GNG7: variants seen among roughly 807,000 people sequenced by gnomAD.
GNG7 encodes guanine nucleotide-binding protein G(I)/G(S)/G(O) subunit gamma-7.
Under a neutral mutation model 4.0 loss-of-function variants are expected in GNG7, and 1 was observed. That is an observed-to-expected ratio of 0.25 (90% confidence interval 0.09 to 1.18). The LOEUF is 1.18. GNG7 is among the 50% of genes most tolerant of loss of function. The pLI, the probability that GNG7 is intolerant of heterozygous loss-of-function variation, is 0.50. For missense variants in GNG7, 86 were observed against 91.9 expected, an observed-to-expected ratio of 0.94 and a Z score of 0.26; for synonymous variants, 34 against 36.9, an observed-to-expected ratio of 0.92 and a Z score of 0.29.
intron 3 of GNG7, among the ~76,000 whole-genome samples, chr19:2,539,599 C>T (rs1285158032): frequency 2.0e-5 from 3 of 152,074 alleles, no homozygotes; most frequent in Non-Finnish European, 1.5e-5. Flanking sequence ...GACACTGCGC[C>T]CGGCCATAAG....
At chr19:2,599,719 C>G (rs1599414368) in intron 2 of GNG7, among the ~76,000 whole-genome samples, 1 of 152,124 alleles carries the variant, frequency 6.6e-6, no homozygotes, top group Non-Finnish European at 1.5e-5. Context: ...GGCGGATCAC[C>G]TGCGGTCAGG....
intron 1 of GNG7, among the ~76,000 whole-genome samples, chr19:2,687,759 T>G (rs1045467911): frequency 1.5e-4 from 19 of 126,332 alleles, no homozygotes; most frequent in African/African-American, 5.1e-4. Context: ...GCAGATCACA[T>G]GGTCAGGAGT....
chr19:2,529,795 G>A (rs534975036), intron 3 of GNG7, among the ~76,000 whole-genome samples: 2 of 152,266 alleles, frequency 1.3e-5, no homozygotes, highest in East Asian at 3.9e-4. Flanking sequence ...CTTGTTCAAG[G>A]GATAAGGGCT....
At chr19:2,589,371 CTTTTTTTT>C (rs33940288) in intron 2 of GNG7, among the ~76,000 whole-genome samples, 100 of 100,580 alleles carry the variant, frequency 9.9e-4, no homozygotes, top group Middle Eastern at 6.8e-3. Context: ...TACAGGTGCA[CTTTTTTTT>C]TTTTTTTTTT....
chr19:2,668,491 G>A (rs1402617200), intron 1 of GNG7, among the ~76,000 whole-genome samples: 2 of 152,110 alleles, frequency 1.3e-5, no homozygotes, highest in Non-Finnish European at 2.9e-5. Flanking sequence ...GCTCGGTGAC[G>A]GCCACCAAGG....
Position 2,513,643 on chromosome 19 carries a change from C to T in GNG7, c.*1379G>A, listed in dbSNP as rs1267043765. Reference sequence around the variant, plus strand: ...CACGGGGGTGGAAAAGCAAAAAGATCGGGTTCGAGCGACAGGGTAACGTTT... The same window carrying T: ...CACGGGGGTGGAAAAGCAAAAAGATTGGGTTCGAGCGACAGGGTAACGTTT... On this transcript the variant is annotated 3_prime_UTR_variant, in exon 5 of 5. Transcript: ENST00000382159. 4 of 883,320 alleles carry T rather than the reference C, an allele frequency of 4.5e-6. No individual in the cohort carries two copies. In the African/African-American group the frequency reaches 5.4e-5, roughly 12 times the overall value. 54.7% of individuals were successfully genotyped at this position (883,320 alleles called of 1,614,324 possible).
At chr19:2,696,288 GAGAGAGAAAGAAAGAAAGAA>G (rs1913247066) in intron 1 of GNG7, among the ~76,000 whole-genome samples, 2 of 104,552 alleles carry the variant, frequency 1.9e-5, no homozygotes, top group African/African-American at 7.3e-5. Flanking sequence ...GAAAAAGAGA[GAGAGAGAAAGAAAGAAAGAA>G]AGAAAGAAAG....
chr19:2,589,371 C>CTTTTTTT (rs33940288), intron 2 of GNG7, among the ~76,000 whole-genome samples: 16 of 100,576 alleles, frequency 1.6e-4, no homozygotes, highest in East Asian at 7.1e-4. Context: ...TACAGGTGCA[C>CTTTTTTT]TTTTTTTTTT....
intron 2 of GNG7, among the ~76,000 whole-genome samples, chr19:2,623,326 A>G (rs1981931521): frequency 6.6e-6 from 1 of 152,074 alleles, no homozygotes; most frequent in Admixed American, 6.6e-5. Context: ...TCTCAAGAAA[A>G]CAAATAAACA....
chr19:2,655,064 C>A (rs1035735760), intron 1 of GNG7, among the ~76,000 whole-genome samples: 4 of 151,880 alleles, frequency 2.6e-5, no homozygotes, highest in African/African-American at 9.7e-5. Flanking sequence ...GTGGTCTGCA[C>A]CTGTGATCCC....
chr19:2,555,119 C>T (rs545541571), intron 3 of GNG7, 30 bp downstream of exon 3: 1 of 152,210 alleles, frequency 6.6e-6, no homozygotes, highest in African/African-American at 2.4e-5. Context: ...GAGATTCCAA[C>T]CTCATGAAGT....
intron 3 of GNG7, among the ~76,000 whole-genome samples, chr19:2,548,954 G>A (rs1979225465): frequency 6.6e-6 from 1 of 152,198 alleles, no homozygotes; most frequent in Non-Finnish European, 1.5e-5. Context: ...CATCCCGACA[G>A]GTTCAAGTGA....
chr19:2,631,743 A>G (rs908698911), intron 2 of GNG7, among the ~76,000 whole-genome samples: 6 of 152,244 alleles, frequency 3.9e-5, no homozygotes, highest in Admixed American at 3.3e-4. Context: ...GTGGGGGCAC[A>G]GCATGTCTGT....
Position 2,539,462 on chromosome 19 carries a change from G to A in GNG7, c.-38+15687C>T, listed in dbSNP as rs530533747. Among the ~76,000 whole-genome samples, 33 of 151,918 alleles carry A rather than the reference G, an allele frequency of 2.2e-4. No homozygotes were observed. In the South Asian group the frequency reaches 2.9e-3, roughly 13 times the overall value. ...TGGGATTACAGGTGTCCGCCACCAC[G>A]CCTGGCTAATTTTTGTATTTTTAGT... On this transcript the variant is annotated intron_variant, in intron 3 of 4. Coordinates refer to ENST00000382159, the MANE Select transcript of GNG7 (RefSeq NM_052847.3).
At chr19:2,528,814 G>T (rs1978495849) in intron 3 of GNG7, among the ~76,000 whole-genome samples, 1 of 152,158 alleles carries the variant, frequency 6.6e-6, no homozygotes, top group Admixed American at 6.5e-5. Flanking sequence ...ACCAGGCCTG[G>T]CCCCCAGGTT....
chr19:2,623,592 C>A (rs980662756), intron 2 of GNG7, among the ~76,000 whole-genome samples: 5 of 152,276 alleles, frequency 3.3e-5, no homozygotes, highest in Middle Eastern at 6.8e-3. Flanking sequence ...ACACAAAAAA[C>A]CAAATTGGCC....
At chr19:2,687,735 G>C (rs1983907666) in intron 1 of GNG7, among the ~76,000 whole-genome samples, 2 of 151,746 alleles carry the variant, frequency 1.3e-5, no homozygotes, top group African/African-American at 4.8e-5. Context: ...CAGCACTTTG[G>C]GAGGCCGAGG....
intron 2 of GNG7, among the ~76,000 whole-genome samples, chr19:2,571,104 G>A (rs914875423): frequency 6.7e-6 from 1 of 148,310 alleles, no homozygotes; most frequent in South Asian, 2.2e-4. Flanking sequence ...GCCCGGCGGA[G>A]TTGTCCAGCT....
At chr19:2,594,447 G>GA (rs113980932) in intron 2 of GNG7, among the ~76,000 whole-genome samples, 4,686 of 127,086 alleles carry the variant, frequency 0.037, 110 homozygotes, top group African/African-American at 0.047. Context: ...AGGAAGGAAG[G>GA]AGGAAGAAAG....
Sources: allele counts gnomAD v4.1 joint callset (sites outside exome capture counted in the v4.1 genomes callset), GRCh38; gene constraint gnomAD v4.1.1; transcripts MANE v1.5; gene names NCBI Gene and HGNC (gene_info 2026-07-23, HGNC 2026-07-21).